The following TBCD variants were observed in gnomAD, a reference collection of about 807,000 sequenced individuals.
TBCD encodes tubulin folding cofactor D, also known as tubulin-specific chaperone D.
TBCD carries 105 observed loss-of-function variants against 169.3 expected under a neutral mutation model. That is an observed-to-expected ratio of 0.62 (90% CI 0.53 to 0.73). The LOEUF is 0.73. TBCD is among the 30% of genes least tolerant of loss of function. TBCD has a pLI of 0.00. For synonymous variants in TBCD, 700 were observed against 643.9 expected (o/e 1.09, Z -1.32); for missense variants, 1,444 against 1,600.1 (o/e 0.90, Z 1.66).
chr17:82,779,052 G>GC (rs2048780951), intron 6 of TBCD, among the ~76,000 whole-genome samples: 1 of 150,754 alleles, frequency 6.6e-6, no homozygotes, highest in Non-Finnish European at 1.5e-5. Flanking sequence ...TTGCTCTGTT[G>GC]CTAGGCTGGA....
At chr17:82,768,219 A>C (rs185800824) in intron 4 of TBCD, among the ~76,000 whole-genome samples, 12 of 152,040 alleles carry the variant, frequency 7.9e-5, no homozygotes, top group Admixed American at 2.0e-4. Context: ...TTACGGCGGT[A>C]GGTGTGTGTG....
intron 13 of TBCD, among the ~76,000 whole-genome samples, chr17:82,843,413 A>T (rs1223900490): frequency 4.8e-5 from 5 of 104,534 alleles, no homozygotes; most frequent in Non-Finnish European, 9.1e-5. Context: ...CAGCTTATAT[A>T]CCCTTCCTTT....
In TBCD at chr17:82,938,146, T is replaced by G; in HGVS notation, c.3369+10T>G. On this transcript the variant is annotated intron_variant, in intron 36 of 38. Transcript: ENST00000355528. Reference sequence around the variant, plus strand: ...CCACCGTTTCCCGCTGGTGAGTGCCTGCCCCTGCTCACGTGTGTTTGCCGT... The same window carrying G: ...CCACCGTTTCCCGCTGGTGAGTGCCGGCCCCTGCTCACGTGTGTTTGCCGT... The G allele has an allele frequency of 6.2e-7, 1 of 1,610,554 alleles. No individual in the cohort carries two copies. The highest frequency in any genetic ancestry group is 1.1e-5 in the South Asian group (1 of 90,586).
intron 13 of TBCD, chr17:82,839,029 C>A: frequency 2.1e-6 from 2 of 958,138 alleles, no homozygotes; most frequent in Non-Finnish European, 2.5e-6. Context: ...CCTTTTGTAT[C>A]TGTGTCTATA....
intron 23 of TBCD, among the ~76,000 whole-genome samples, chr17:82,917,759 T>C (rs1435376670): frequency 6.6e-6 from 1 of 152,208 alleles, no homozygotes; most frequent in East Asian, 1.9e-4. Flanking sequence ...GCTCTACCGC[T>C]TCTCCCTTTG....
chr17:82,847,356 G>GGAAA (rs1236836895), intron 13 of TBCD, among the ~76,000 whole-genome samples: 1 of 81,756 alleles, frequency 1.2e-5, no homozygotes, highest in Admixed American at 1.4e-4. Context: ...CCATGTCAAA[G>GGAAA]AAAAAAAAAA....
At chr17:82,888,918 C>T (rs903177665) in intron 15 of TBCD, among the ~76,000 whole-genome samples, 12 of 152,168 alleles carry the variant, frequency 7.9e-5, no homozygotes, top group African/African-American at 1.2e-4. Context: ...GTGGTGTGGC[C>T]GTGGGTGCAC....
At position 82,766,262 on chromosome 17, in the gene TBCD, G is replaced by T. The variant is rs757364023; in HGVS notation, c.334-5G>T. The T allele has an allele frequency of 6.2e-7, 1 of 1,603,360 alleles. No homozygotes were observed. Among genetic ancestry groups the T allele is most frequent in the South Asian group, 1.1e-5 (1 of 89,264 alleles). On this transcript the variant is annotated splice_region_variant and splice_polypyrimidine_tract_variant and intron_variant, in intron 3 of 38. Coordinates refer to ENST00000355528, the MANE Select transcript of TBCD (RefSeq NM_005993.5). ...GTTATAATTCAGCATCTCTTTATTTGATAGGTTCGAGGCTATAAAACATTT... is the reference window on the plus strand; with the variant it reads ...GTTATAATTCAGCATCTCTTTATTTTATAGGTTCGAGGCTATAAAACATTT...
intron 37 of TBCD, 55 bp from the exon 38 acceptor site, chr17:82,941,344 C>G (rs1446507219): frequency 1.3e-6 from 2 of 1,484,458 alleles, no homozygotes; most frequent in East Asian, 2.5e-5. Context: ...CCTCCGCACA[C>G]CTGAGGTTCT....
At chr17:82,756,038 TG>T in intron 1 of TBCD, 126 bp from the exon 2 acceptor site, 1 of 801,460 alleles carries the variant, frequency 1.2e-6, no homozygotes, top group Non-Finnish European at 2.1e-6. Context: ...AGGGGAGGTG[TG>T]CTCTTGAGAG....
chr17:82,923,790 G>GAAGCCCCT lies in TBCD; in HGVS notation c.2260+57_2260+58insAAGCCCCT. 6.9e-7 allele frequency: 1 copy of GAAGCCCCT among 1,442,766 alleles called. No individual in the cohort carries two copies. The highest frequency in any genetic ancestry group is 9.5e-7 in the Non-Finnish European group (1 of 1,057,482). 89.4% of individuals were successfully genotyped at this position (1,442,766 alleles called of 1,614,324 possible). ...AGGGGCTTCCAGCAGGAAGCTGCTG[G>GAAGCCCCT]GGAGTGTCTGGGCACGGAGGAGGCC... On this transcript the variant is annotated intron_variant, in intron 26 of 38. Coordinates refer to ENST00000355528, the MANE Select transcript of TBCD (RefSeq NM_005993.5). This position sits in a 1 kb window ranked among gnomAD's most constrained non-coding sequence, Gnocchi z 4.6.
Position 82,906,051 on chromosome 17 carries a change from C to T in TBCD, c.1920C>T (p.Asn640=), listed in dbSNP as rs771033061. 4 of 1,602,750 alleles carry T rather than the reference C, an allele frequency of 2.5e-6. No individual in the cohort carries two copies. The highest frequency in any genetic ancestry group is 1.3e-5 in the African/African-American group (1 of 74,796). ...TGTACAAACTTGCAGCCCAAGAGAA[C>T]AGGTAGGAAGAGTGGGTCTCGAGGA... ...YALYKLAAQE[N]RPVTDHLDEQ... The change falls in exon 20 of 39, where the codon AAC becomes AAT. Residue 640 remains asparagine (N), a splice_region_variant and synonymous_variant. Coordinates refer to ENST00000355528, the MANE Select transcript of TBCD (RefSeq NM_005993.5).
chr17:82,892,354 C>A (rs1218851345), intron 16 of TBCD, among the ~76,000 whole-genome samples: 1 of 152,128 alleles, frequency 6.6e-6, no homozygotes, highest in Non-Finnish European at 1.5e-5. Flanking sequence ...AACAGCTCCA[C>A]CTGGGTGCAG....
At chr17:82,827,768 C>T (rs1321596473) in intron 13 of TBCD, among the ~76,000 whole-genome samples, 1 of 151,968 alleles carries the variant, frequency 6.6e-6, no homozygotes, top group Non-Finnish European at 1.5e-5. Flanking sequence ...CGAATGCACA[C>T]ATCCGCAGAT....
In TBCD at chr17:82,884,387, G is replaced by A. The variant is rs1380871373; in HGVS notation, c.1533+185G>A. ...CTTACTGTCTCTGGGCGTCTTCAGC[G>A]TGTGAAGGGCGGTCAGGGTTAAGCA... On this transcript the variant is annotated intron_variant, in intron 15 of 38. Transcript: ENST00000355528. This position sits in a 1 kb window ranked among gnomAD's most constrained non-coding sequence, Gnocchi z 4.2. Among the ~76,000 whole-genome samples, 6 of 152,202 alleles carry A rather than the reference G, an allele frequency of 3.9e-5. No homozygotes were observed. The highest frequency in any genetic ancestry group is 3.8e-4 in the East Asian group (2 of 5,196).
At chr17:82,933,727 G>C (rs1022691505) in intron 34 of TBCD, among the ~76,000 whole-genome samples, 1 of 152,116 alleles carries the variant, frequency 6.6e-6, no homozygotes, top group Admixed American at 6.6e-5. Flanking sequence ...CAGTTCTCTC[G>C]CAGACTTCTG....
rs751924669 is a variant in TBCD at position 82,832,038 on chromosome 17, C to T, written c.1318+17104C>T. On this transcript the variant is annotated intron_variant, in intron 13 of 38. Coordinates refer to ENST00000355528, the MANE Select transcript of TBCD (RefSeq NM_005993.5). This position sits in a 1 kb window ranked among gnomAD's most constrained non-coding sequence, Gnocchi z 4.9. ...CGAGGGCGGCTTCCGGAGCTGGGCTCTTGCAGGGTGATGCCCTGTGGAGGG... is the reference window on the plus strand; with the variant it reads ...CGAGGGCGGCTTCCGGAGCTGGGCTTTTGCAGGGTGATGCCCTGTGGAGGG... 1.2e-6 allele frequency: 2 copies of T among 1,613,202 alleles called. No homozygotes were observed. The highest frequency in any genetic ancestry group is 3.3e-5 in the Admixed American group (2 of 59,994).
chr17:82,903,604 G>A lies in TBCD; in HGVS notation c.1804+126G>A. 1 of 987,996 alleles carries A rather than the reference G, an allele frequency of 1.0e-6. No individual in the cohort carries two copies. 61.2% of individuals were successfully genotyped at this position (987,996 alleles called of 1,614,324 possible). On this transcript the variant is annotated intron_variant, in intron 19 of 38. Transcript: ENST00000355528. The surrounding 1 kb of genome is among the most constrained non-coding windows in gnomAD (Gnocchi z 4.8). The stretch of plus-strand genomic sequence containing the variant: ...TTCTGTCTTGGTGAGAAGCATCTGA[G>A]GAAAGAGCTGTGGACTTGATCAGTG...
chr17:82,926,579 G>C, intron 28 of TBCD, 88 bp downstream of exon 28: 1 of 1,126,714 alleles, frequency 8.9e-7, no homozygotes, highest in Non-Finnish European at 1.3e-6. Flanking sequence ...CTCAGAGGCA[G>C]GACTTATGAT....
Sources: gnomAD v4.1 joint callset for allele counts (sites outside exome capture counted in the v4.1 genomes callset) on GRCh38, gnomAD v4.1.1 for gene constraint, Gnocchi (gnomAD v3.1) non-coding constraint, MANE v1.5 for transcripts, NCBI Gene and HGNC (gene_info 2026-07-23, HGNC 2026-07-21) for gene names.